The following PDS5B variants were observed in gnomAD, a reference collection of about 807,000 sequenced individuals.
The protein encoded by PDS5B is sister chromatid cohesion protein PDS5 homolog B.
A neutral mutation model predicts 184.1 loss-of-function variants in PDS5B; 51 were observed. That is an observed-to-expected ratio of 0.28 (90% CI 0.22 to 0.35). The LOEUF (loss-of-function observed/expected upper bound fraction) is 0.35, where lower values mean the gene tolerates loss of function less well. Among genes scored for constraint, PDS5B ranks in the 10% least tolerant of loss-of-function variants. PDS5B has a pLI of 1.00. For missense variants in PDS5B, 1,180 were observed against 1,723.3 expected (o/e 0.68, Z 5.58); for synonymous variants, 566 against 569.2 (o/e 0.99, Z 0.08).
chr13:32,753,149 G>A (rs564756518), intron 24 of PDS5B, among the ~76,000 whole-genome samples, 183 bp from the exon 25 acceptor site: 1 of 152,268 alleles, frequency 6.6e-6, no homozygotes. Context: ...TTAGGGCCCA[G>A]ATGAATATTG....
chr13:32,647,670 A>T (rs1026318764), intron 1 of PDS5B, among the ~76,000 whole-genome samples: 10 of 151,960 alleles, frequency 6.6e-5, no homozygotes, highest in South Asian at 2.1e-4. Flanking sequence ...AGTTCTATTT[A>T]AAAAAAATCT....
rs771706540 is a variant in PDS5B, at chr13:32,694,302, AAAGT to A, written c.1551+6_1551+9del. 2.5e-5 allele frequency: 40 copies of A among 1,581,006 alleles called. No individual in the cohort carries two copies. The highest frequency in any genetic ancestry group is 1.7e-4 in the Middle Eastern group (1 of 5,978). ...TTTGCTTGACTTGATTAAGCAACCC[AAAGT>A]AAGTAAGAATTTTTTCCTTCAATGT... is the stretch of plus-strand genomic sequence containing the variant. On this transcript the variant is annotated splice_donor_variant and coding_sequence_variant, in exon 14 of 35. Transcript: ENST00000315596. LOFTEE classifies it high-confidence loss of function.
intron 10 of PDS5B, among the ~76,000 whole-genome samples, chr13:32,682,503 T>C (rs1479888678): frequency 6.6e-6 from 1 of 152,238 alleles, no homozygotes. Context: ...TGTATGAATA[T>C]ACCATAATTT....
chr13:32,610,666 T>A (rs753414181), intron 1 of PDS5B, among the ~76,000 whole-genome samples: 1 of 151,974 alleles, frequency 6.6e-6, no homozygotes, highest in Non-Finnish European at 1.5e-5. Context: ...TTGAGAGATA[T>A]ATAGTGGTTA....
At chr13:32,636,557 C>A (rs977372687) in intron 1 of PDS5B, among the ~76,000 whole-genome samples, 1 of 152,186 alleles carries the variant, frequency 6.6e-6, no homozygotes, top group Non-Finnish European at 1.5e-5. Flanking sequence ...AATTTAAGTT[C>A]AGTTGTTGAT....
chr13:32,600,170 T>C (rs1218698740), intron 1 of PDS5B, among the ~76,000 whole-genome samples: 1 of 152,224 alleles, frequency 6.6e-6, no homozygotes, highest in Non-Finnish European at 1.5e-5. Flanking sequence ...CATATTTTTC[T>C]TTTAAGTCTT....
At chr13:32,667,868 G>T (rs1950842448) in intron 7 of PDS5B, 24 bp downstream of exon 7, 2 of 1,378,072 alleles carry the variant, frequency 1.5e-6, no homozygotes, top group Non-Finnish European at 2.0e-6. Flanking sequence ...GTAATTGGTT[G>T]TCAGAAGGAT....
intron 1 of PDS5B, among the ~76,000 whole-genome samples, chr13:32,611,591 T>A (rs1043578484): frequency 6.8e-6 from 1 of 147,588 alleles, no homozygotes; most frequent in African/African-American, 2.5e-5. Flanking sequence ...CACTGCAGCC[T>A]CTGCCTCCTG....
chr13:32,681,178 T>G (rs1951228206), intron 10 of PDS5B, among the ~76,000 whole-genome samples: 1 of 152,220 alleles, frequency 6.6e-6, no homozygotes, highest in South Asian at 2.1e-4. Flanking sequence ...TCACTGTTGT[T>G]ACAGATGAGG....
At chr13:32,649,068 G>A in intron 2 of PDS5B, 188 bp downstream of exon 2, 1 of 494,612 alleles carries the variant, frequency 2.0e-6, no homozygotes, top group Non-Finnish European at 3.6e-6. Flanking sequence ...ATGATTAAAG[G>A]GACAGCAATT....
chr13:32,641,148 C>G (rs1235131598), intron 1 of PDS5B, among the ~76,000 whole-genome samples: 2 of 150,136 alleles, frequency 1.3e-5, no homozygotes, highest in Non-Finnish European at 3.0e-5. Flanking sequence ...TGACTATTTT[C>G]TAAGTGCAGT....
At chr13:32,730,724 C>A (rs879011461) in intron 19 of PDS5B, among the ~76,000 whole-genome samples, 17 of 152,098 alleles carry the variant, frequency 1.1e-4, no homozygotes, top group African/African-American at 4.1e-4. Context: ...AATGGGAGCT[C>A]ACTCATGATT....
Position 32,741,134 on chromosome 13 carries a change from G to T in PDS5B, c.2461G>T (p.Glu821Ter). 6.4e-7 allele frequency: 1 copy of T among 1,557,504 alleles called. No homozygotes were observed. The highest frequency in any genetic ancestry group is 2.3e-5 in the East Asian group (1 of 44,396). ...GGTTCCAGATGAAGAAGTATCTCCT[G>T]AGACAATGGTCAAAGTGAGTAATGT... ...LWVPDEEVSP[E>*]TMVKIQAIKM... The change falls in exon 22 of 35, where the codon GAG becomes TAG. Residue 821 changes from glutamate (E) to a stop codon, truncating the protein, a stop_gained. Coordinates refer to ENST00000315596, the MANE Select transcript of PDS5B (RefSeq NM_015032.4). LOFTEE classifies it high-confidence loss of function.
chr13:32,749,013 T>C (rs567877497), intron 24 of PDS5B, among the ~76,000 whole-genome samples: 1 of 152,296 alleles, frequency 6.6e-6, no homozygotes, highest in East Asian at 1.9e-4. Flanking sequence ...ACAGTTATGA[T>C]CATGTCATTC....
chr13:32,640,864 G>GGC lies in PDS5B; in HGVS notation c.-19-7890_-19-7889insGC, dbSNP rs1566274057. Reference sequence around the variant, plus strand: ...GGTCAGGAGATCGAGACCATCCTGGGTAACACAGTGAAACCCCATCTCTAC... The same window carrying GGC: ...GGTCAGGAGATCGAGACCATCCTGGGGCTAACACAGTGAAACCCCATCTCTAC... On this transcript the variant is annotated intron_variant, in intron 1 of 34. Coordinates refer to ENST00000315596, the MANE Select transcript of PDS5B (RefSeq NM_015032.4). Among the ~76,000 whole-genome samples, 1,087 of 151,144 alleles carry GGC rather than the reference G, an allele frequency of 7.2e-3. 10 individuals carry two copies. The highest frequency in any genetic ancestry group is 0.025 in the African/African-American group (1,036 of 41,150).
chr13:32,602,918 T>G (rs969088514), intron 1 of PDS5B, among the ~76,000 whole-genome samples: 2 of 152,226 alleles, frequency 1.3e-5, no homozygotes, highest in African/African-American at 4.8e-5. Flanking sequence ...GTTCATATCC[T>G]TTGCCTACTT....
At chr13:32,667,714 G>T in intron 6 of PDS5B, 50 bp from the exon 7 acceptor site, 1 of 1,057,608 alleles carries the variant, frequency 9.5e-7, no homozygotes, top group Non-Finnish European at 1.4e-6. Context: ...GTAATATTTT[G>T]CTTTTCATAG....
chr13:32,759,241 G>A (rs1954292526), intron 28 of PDS5B, among the ~76,000 whole-genome samples: 1 of 152,150 alleles, frequency 6.6e-6, no homozygotes, highest in Non-Finnish European at 1.5e-5. Context: ...CAAAATGCCA[G>A]TTAAGACCTT....
chr13:32,676,932 C>CAAAAAA lies in PDS5B; in HGVS notation c.962+992_962+997dup, dbSNP rs4057303. Among the ~76,000 whole-genome samples the CAAAAAA allele has an allele frequency of 1.4e-3, 114 of 78,820 alleles. 2 individuals carry two copies. Among genetic ancestry groups the CAAAAAA allele is most frequent in the African/African-American group, 5.2e-3 (103 of 19,710 alleles). The allele number at this position is 78,820 out of a possible 152,430, so 51.7% of individuals were successfully genotyped here. A position where few individuals can be genotyped will look rare whatever the true frequency, so the allele number is the denominator to read the frequency against. On this transcript the variant is annotated intron_variant, in intron 9 of 34. Coordinates refer to ENST00000315596, the MANE Select transcript of PDS5B (RefSeq NM_015032.4). ...GGCGACAGAGCGAGACTCTTGTCTCCAAAAAAAAAAAAAAAAAAAAAAAAG... is the reference window on the plus strand; with the variant it reads ...GGCGACAGAGCGAGACTCTTGTCTCCAAAAAAAAAAAAAAAAAAAAAAAAAAAAAAG...
Sources: allele counts gnomAD v4.1 joint callset (sites outside exome capture counted in the v4.1 genomes callset), GRCh38; gene constraint gnomAD v4.1.1; transcripts MANE v1.5; gene names NCBI Gene and HGNC (gene_info 2026-07-23, HGNC 2026-07-21).